Variants in ZNF570 observed in about 807,000 individuals in gnomAD.
The protein encoded by ZNF570 is zinc finger protein 570.
Under a neutral mutation model 14.2 loss-of-function variants are expected in ZNF570, and 8 were observed. The observed-to-expected ratio is 0.56, with a 90% CI of 0.33 to 1.02. The LOEUF is 1.02. Among genes scored for constraint, ZNF570 ranks in the 50% least tolerant of loss-of-function variants. The pLI, the probability that ZNF570 is intolerant of heterozygous loss-of-function variation, is 0.03. For missense variants in ZNF570, 559 were observed against 624.9 expected, an observed-to-expected ratio of 0.89 and a Z score of 1.12; for synonymous variants, 202 against 207.6, an observed-to-expected ratio of 0.97 and a Z score of 0.23.
intron 4 of ZNF570, among the ~76,000 whole-genome samples, chr19:37,477,553 G>A (rs994239600): frequency 2.6e-5 from 4 of 151,710 alleles, no homozygotes; most frequent in East Asian, 3.9e-4. Flanking sequence ...TGTTGGCCAC[G>A]CTGGTCTCCA....
At chr19:37,467,851 G>A, upstream of ZNF570, 1 of 1,535,132 alleles carries the variant, frequency 6.5e-7, no homozygotes, top group Non-Finnish European at 8.7e-7. Context: ...TTATATTCTC[G>A]TGGCTGTTTG....
upstream of ZNF570, chr19:37,467,912 C>T (rs2041875860): frequency 6.5e-7 from 1 of 1,536,110 alleles, no homozygotes; most frequent in East Asian, 2.4e-5. Flanking sequence ...TTTGTTCTTT[C>T]TGGACTTCTC....
rs2042152845 is a variant in ZNF570, at chr19:37,486,113, T to C, written c.*880T>C. On this transcript the variant is annotated 3_prime_UTR_variant, in exon 5 of 5. Coordinates refer to ENST00000330173, the MANE Select transcript of ZNF570 (RefSeq NM_144694.5). ...CCAGTTAAAACTTTTTTTTTTTTTT[T>C]GCTTGTTATTGTTCTTAGACTAATA... 6.6e-6 allele frequency: 1 copy of C among 151,714 alleles called. No homozygotes were observed. The highest frequency in any genetic ancestry group is 2.4e-5 in the African/African-American group (1 of 41,268). 9.4% of individuals were successfully genotyped at this position (151,714 alleles called of 1,614,324 possible).
Position 37,485,388 on chromosome 19 carries a change from C to A in ZNF570, c.*155C>A. On this transcript the variant is annotated 3_prime_UTR_variant, in exon 5 of 5. Transcript: ENST00000330173. ...ACCTTTAAATCCATTTCCCACAATG[C>A]ACTCAAACGGATCTTTTTTTTCTTT... The A allele has an allele frequency of 2.9e-6, 2 of 687,576 alleles. No individual in the cohort carries two copies. Among genetic ancestry groups the A allele is most frequent in the Non-Finnish European group, 4.4e-6 (2 of 455,122 alleles). 42.6% of individuals were successfully genotyped at this position (687,576 alleles called of 1,614,324 possible). A position where few individuals can be genotyped will look rare whatever the true frequency, so the allele number is the denominator to read the frequency against.
intron 4 of ZNF570, among the ~76,000 whole-genome samples, chr19:37,477,237 ACAG>A (rs2042036158): frequency 6.6e-6 from 1 of 151,292 alleles, no homozygotes; most frequent in Admixed American, 6.6e-5. Flanking sequence ...AAAAGGAAAA[ACAG>A]GTTGCATGTG....
chr19:37,483,896 G>A lies in ZNF570; in HGVS notation c.274G>A (p.Glu92Lys), dbSNP rs1302691189. Residue 92 changes from glutamate to lysine, a missense_variant, in exon 5 of 5, where the codon GAG becomes AAG. Glu to Lys is a moderately conservative substitution (Grantham distance 56). Transcript: ENST00000330173. Reference sequence around the variant, plus strand: ...CTTTTCAGGCTGGGAGCCTATATGTGAGACTGAAGAATTAACCCCAAAGCA... The same window carrying A: ...CTTTTCAGGCTGGGAGCCTATATGTAAGACTGAAGAATTAACCCCAAAGCA... ...GLCSGWEPICETEELTPKQDF... is the reference protein window; with the variant it reads ...GLCSGWEPICKTEELTPKQDF... The A allele has an allele frequency of 1.9e-6, 3 of 1,609,932 alleles. No homozygotes were observed. Among genetic ancestry groups the A allele is most frequent in the African/African-American group, 1.3e-5 (1 of 74,700 alleles).
rs1309900063 is a variant in ZNF570, at chr19:37,483,890, A to G, written c.268A>G (p.Ile90Val). 1.2e-6 allele frequency: 2 copies of G among 1,606,528 alleles called. No homozygotes were observed. The highest frequency in any genetic ancestry group is 2.2e-5 in the East Asian group (1 of 44,828). The change falls in exon 5 of 5, where the codon ATA (isoleucine) becomes GTA (valine). Residue 90 changes from isoleucine to valine, a missense_variant. Ile to Val is a conservative substitution (Grantham distance 29, BLOSUM62 3). Coordinates refer to ENST00000330173, the MANE Select transcript of ZNF570 (RefSeq NM_144694.5). ...TTATTACTTTTCAGGCTGGGAGCCT[A>G]TATGTGAGACTGAAGAATTAACCCC... ...TKGLCSGWEP[I>V]CETEELTPKQ...
In ZNF570 at chr19:37,469,407, T is replaced by A; in HGVS notation, c.-202T>A. ...GGTTCCATCCAACTAAGGGTAGCGG[T>A]GAGACCCGAGTGCAGATTCCCCGAG... On this transcript the variant is annotated 5_prime_UTR_variant, in exon 1 of 5. Transcript: ENST00000330173. 6.6e-7 allele frequency: 1 copy of A among 1,521,942 alleles called. No individual in the cohort carries two copies. The highest frequency in any genetic ancestry group is 8.8e-7 in the Non-Finnish European group (1 of 1,138,078). 94.3% of individuals were successfully genotyped at this position (1,521,942 alleles called of 1,614,324 possible). A position where few individuals can be genotyped will look rare whatever the true frequency, so the allele number is the denominator to read the frequency against.
At chr19:37,468,699 G>A (rs2041895326), upstream of ZNF570, among the ~76,000 whole-genome samples, 2 of 152,182 alleles carry the variant, frequency 1.3e-5, no homozygotes, top group South Asian at 4.1e-4. Context: ...GTAGAGACGG[G>A]GTTTCACCAT....
Position 37,485,444 on chromosome 19 carries a change from G to A in ZNF570, c.*211G>A. 1 of 488,868 alleles carries A rather than the reference G, an allele frequency of 2.0e-6. No homozygotes were observed. Among genetic ancestry groups the A allele is most frequent in the South Asian group, 3.9e-5 (1 of 25,418 alleles). 30.3% of individuals were successfully genotyped at this position (488,868 alleles called of 1,614,324 possible). A position where few individuals can be genotyped will look rare whatever the true frequency, so the allele number is the denominator to read the frequency against. ...TCTTTTTGAGACAATGTCTTGCTGT[G>A]TTGCCCAGGCTGGAGTACAGTGGGA... On this transcript the variant is annotated 3_prime_UTR_variant, in exon 5 of 5. Transcript: ENST00000330173.
rs2042128631 is a variant in ZNF570, at chr19:37,484,601, G to T, written c.979G>T (p.Glu327Ter). Reference protein sequence around the residue: ...LAQHQRVHTGEKPYECIECGK... With the variant: ...LAQHQRVHTG ...TCAACATCAGAGAGTTCACACGGGA[G>T]AGAAACCCTATGAATGTATCGAATG... The change falls in exon 5 of 5, where the codon GAG becomes TAG. Residue 327 changes from glutamate (E) to a stop codon, truncating the protein, a stop_gained. Coordinates refer to ENST00000330173, the MANE Select transcript of ZNF570 (RefSeq NM_144694.5). LOFTEE classifies it low-confidence loss of function (END_TRUNC). The T allele has an allele frequency of 6.2e-7, 1 of 1,614,040 alleles. No homozygotes were observed. Among genetic ancestry groups the T allele is most frequent in the South Asian group, 1.1e-5 (1 of 91,076 alleles).
chr19:37,468,058 C>A, upstream of ZNF570: 4 of 777,898 alleles, frequency 5.1e-6, no homozygotes, highest in Non-Finnish European at 8.2e-6. Context: ...CTTAACTTCT[C>A]TATGCCTTTC....
intron 2 of ZNF570, among the ~76,000 whole-genome samples, chr19:37,475,319 C>T (rs539223722): frequency 5.9e-5 from 9 of 152,280 alleles, no homozygotes; most frequent in African/African-American, 2.2e-4. Flanking sequence ...ATGAGTAGAA[C>T]ACCCATTTCT....
chr19:37,484,425 A>T lies in ZNF570; in HGVS notation c.803A>T (p.His268Leu). The T allele has an allele frequency of 6.2e-7, 1 of 1,614,202 alleles. No homozygotes were observed. The highest frequency in any genetic ancestry group is 8.5e-7 in the Non-Finnish European group (1 of 1,180,030). Residue 268 changes from histidine (H) to leucine (L), a missense_variant, in exon 5 of 5, where the codon CAT (histidine) becomes CTT (leucine). Transcript: ENST00000330173. Reference protein sequence around the residue: ...RSNLVQHQRIHTGEKPYECKE... With the variant: ...RSNLVQHQRILTGEKPYECKE... ...AATCTTGTTCAACATCAGAGGATTCATACTGGAGAAAAACCCTATGAATGT... is the reference window on the plus strand; with the variant it reads ...AATCTTGTTCAACATCAGAGGATTCTTACTGGAGAAAAACCCTATGAATGT...
At chr19:37,476,828 G>C (rs1451713747) in intron 4 of ZNF570, among the ~76,000 whole-genome samples, 1 of 149,348 alleles carries the variant, frequency 6.7e-6, no homozygotes, top group Non-Finnish European at 1.5e-5. Flanking sequence ...TCCTGATTCA[G>C]CCTTCCCAGG....
Position 37,475,941 on chromosome 19 carries a change from G to C in ZNF570, c.94G>C (p.Asp32His). Reference sequence around the variant, plus strand: ...CTCCCAAGAGGAATGGGATTGTCTGGATTCTTCTCAAAGACATCTGTACAG... The same window carrying C: ...CTCCCAAGAGGAATGGGATTGTCTGCATTCTTCTCAAAGACATCTGTACAG... Reference protein sequence around the residue: ...DFSQEEWDCLDSSQRHLYSNV... With the variant: ...DFSQEEWDCLHSSQRHLYSNV... Residue 32 changes from aspartate to histidine, a missense_variant, in exon 3 of 5, where the codon GAT (aspartate) becomes CAT (histidine). Asp to His is a moderately conservative substitution (Grantham distance 81). Transcript: ENST00000330173. 6.2e-7 allele frequency: 1 copy of C among 1,614,086 alleles called. No homozygotes were observed. The highest frequency in any genetic ancestry group is 8.5e-7 in the Non-Finnish European group (1 of 1,179,980).
intron 4 of ZNF570, among the ~76,000 whole-genome samples, chr19:37,477,288 CGTGTGTGTGTGTGTGTGTGTGT>C (rs71177457): frequency 1.2e-4 from 14 of 115,466 alleles, no homozygotes; most frequent in African/African-American, 4.7e-4. Context: ...GGGAGGTTGT[CGTGTGTGTGTGTGTGTGTGTGT>C]GTGTGTGTGT....
At position 37,484,766 on chromosome 19, in the gene ZNF570, G is replaced by A. The variant is rs1177165634; in HGVS notation, c.1144G>A (p.Gly382Arg). The change falls in exon 5 of 5, where the codon GGA (glycine) becomes AGA (arginine). Residue 382 changes from glycine (G) to arginine (R), a missense_variant. Transcript: ENST00000330173. Reference sequence around the variant, plus strand: ...TACTGTACATCAGAGAATACATACTGGAGAGAGACCCTATGAATGTAAGGA... The same window carrying A: ...TACTGTACATCAGAGAATACATACTAGAGAGAGACCCTATGAATGTAAGGA... ...YLTVHQRIHT[G>R]ERPYECKECG... The A allele has an allele frequency of 1.2e-6, 2 of 1,614,072 alleles. No homozygotes were observed. Among genetic ancestry groups the A allele is most frequent in the Non-Finnish European group, 8.5e-7 (1 of 1,180,010 alleles).
Position 37,475,956 on chromosome 19 carries a change from C to CATCT in ZNF570, c.110_113dup (p.Tyr39SerfsTer4). Reference sequence around the variant, plus strand: ...GGATTGTCTGGATTCTTCTCAAAGACATCTGTACAGTAATGTGATGCTAGA... The same window carrying CATCT: ...GGATTGTCTGGATTCTTCTCAAAGACATCTATCTGTACAGTAATGTGATGCTAGA... On this transcript the variant is annotated frameshift_variant, in exon 3 of 5. Transcript: ENST00000330173. LOFTEE classifies it high-confidence loss of function. 6.2e-7 allele frequency: 1 copy of CATCT among 1,614,046 alleles called. No individual in the cohort carries two copies. The highest frequency in any genetic ancestry group is 8.5e-7 in the Non-Finnish European group (1 of 1,179,962).
Sources: allele counts gnomAD v4.1 joint callset (sites outside exome capture counted in the v4.1 genomes callset), GRCh38; gene constraint gnomAD v4.1.1; transcripts MANE v1.5; gene names NCBI Gene and HGNC (gene_info 2026-07-23, HGNC 2026-07-21).